The following COQ4 variants were observed in gnomAD, a reference collection of about 807,000 sequenced individuals.
The protein encoded by COQ4 is ubiquinone biosynthesis protein COQ4 homolog, mitochondrial.
COQ4 carries 36 observed loss-of-function variants against 30.2 expected under a neutral mutation model. The observed-to-expected ratio is 1.19, with a 90% CI of 0.91 to 1.57. The LOEUF is 1.57. COQ4 is among the 40% of genes most tolerant of loss of function. The pLI, the probability that COQ4 is intolerant of heterozygous loss-of-function variation, is 0.00. For synonymous variants in COQ4, 197 were observed against 161.0 expected, an observed-to-expected ratio of 1.22 and a Z score of -1.69; for missense variants, 369 against 371.9, an observed-to-expected ratio of 0.99 and a Z score of 0.07.
At chr9:128,331,317 C>G (rs1467794062) in intron 4 of COQ4, 4 of 151,934 alleles carry the variant, frequency 2.6e-5, no homozygotes, top group Non-Finnish European at 4.4e-5. Flanking sequence ...CACTAAACAT[C>G]AAGGTACAGT....
At chr9:128,331,240 T>G (rs1303367261) in intron 4 of COQ4, 1 of 152,262 alleles carries the variant, frequency 6.6e-6, no homozygotes, top group Non-Finnish European at 1.5e-5. Context: ...ACAACTTTCT[T>G]GGCCACATGT....
chr9:128,328,655 A>G (rs1832359820), intron 4 of COQ4, among the ~76,000 whole-genome samples: 1 of 152,160 alleles, frequency 6.6e-6, no homozygotes, highest in Admixed American at 6.5e-5. Context: ...TGTCCCCGAG[A>G]CGATGTTCTG....
chr9:128,331,954 C>T (rs1832419929), intron 4 of COQ4, 199 bp from the exon 5 acceptor site: 2 of 545,466 alleles, frequency 3.7e-6, no homozygotes, highest in South Asian at 2.2e-5. Flanking sequence ...GTGTTGAACT[C>T]CTGATCTCAG....
At chr9:128,330,842 T>C (rs528023773) in intron 4 of COQ4, 110 of 150,584 alleles carry the variant, frequency 7.3e-4, no homozygotes, top group African/African-American at 2.6e-3. Context: ...AATTTTCTTT[T>C]TTTTTTTTTT....
At chr9:128,324,032 G>A (rs1050701821) in intron 2 of COQ4, among the ~76,000 whole-genome samples, 7 of 152,168 alleles carry the variant, frequency 4.6e-5, no homozygotes, top group African/African-American at 1.7e-4. Context: ...GGCCCACGCT[G>A]GAGTGCAGTG....
intron 1 of COQ4, 33 bp downstream of exon 1, chr9:128,322,961 A>G (rs1474367043): frequency 1.2e-6 from 2 of 1,604,510 alleles, no homozygotes; most frequent in Non-Finnish European, 1.7e-6. Flanking sequence ...CGCAGGCGGG[A>G]AGGAGCCTGA....
intron 5 of COQ4, chr9:128,332,622 C>T (rs182170150): frequency 1.0e-5 from 6 of 593,696 alleles, no homozygotes; most frequent in East Asian, 2.8e-5. Flanking sequence ...GGGTCCTCTG[C>T]GCCCTGACCC....
intron 3 of COQ4, 114 bp downstream of exon 3, chr9:128,325,353 A>G (rs1832300081): frequency 4.1e-6 from 3 of 731,642 alleles, no homozygotes; most frequent in African/African-American, 1.8e-5. Context: ...CCCTGGCTAC[A>G]TATGGTTGCA....
chr9:128,324,083 A>G (rs1485014518), intron 2 of COQ4, among the ~76,000 whole-genome samples: 1 of 152,160 alleles, frequency 6.6e-6, no homozygotes, highest in African/African-American at 2.4e-5. Flanking sequence ...TCCCAGGTTC[A>G]AGCGATTCTC....
chr9:128,332,168 A>G lies in COQ4; in HGVS notation c.418A>G (p.Thr140Ala). ...TGGTTGTCAGAGGGTCTCCCCAGAC[A>G]CCCGAGCACCCACCCGCTTCGTGGA... ...FLDVNRVSPD[T>A]RAPTRFVDDE... is the part of the protein sequence containing the mutation. Residue 140 changes from threonine to alanine, a missense_variant, in exon 5 of 7, where the codon ACC (threonine) becomes GCC (alanine). Physicochemically the swap from Thr to Ala is moderately conservative, Grantham distance 58. Transcript: ENST00000300452. The G allele has an allele frequency of 6.4e-7, 1 of 1,574,798 alleles. No individual in the cohort carries two copies. The highest frequency in any genetic ancestry group is 8.6e-7 in the Non-Finnish European group (1 of 1,159,906).
rs1241664506 is a variant in COQ4, at chr9:128,333,795, C to T, written c.*150C>T. The T allele has an allele frequency of 1.4e-6, 1 of 712,220 alleles. No homozygotes were observed. 44.1% of individuals were successfully genotyped at this position (712,220 alleles called of 1,614,324 possible). ...ATTTGTCATAACCACTGCTGAGTGG[C>T]CTTGAGGACGAACCCCGCAGGGAGC... is the stretch of plus-strand genomic sequence containing the variant. On this transcript the variant is annotated 3_prime_UTR_variant, in exon 7 of 7. Transcript: ENST00000300452.
intron 5 of COQ4, chr9:128,332,491 C>A: frequency 1.6e-6 from 1 of 612,834 alleles, no homozygotes; most frequent in Admixed American, 2.9e-5. Flanking sequence ...CAGCAGAGCC[C>A]ATCTTCAAGG....
At chr9:128,323,300 A>G (rs1832248556) in intron 2 of COQ4, 153 bp downstream of exon 2, 2 of 751,038 alleles carry the variant, frequency 2.7e-6, no homozygotes, top group East Asian at 2.9e-5. Flanking sequence ...GATCCCACCT[A>G]AACGCACTGA....
At chr9:128,328,310 C>T (rs955811118) in intron 4 of COQ4, among the ~76,000 whole-genome samples, 1 of 152,258 alleles carries the variant, frequency 6.6e-6, no homozygotes, top group African/African-American at 2.4e-5. Flanking sequence ...CCCATCTTCC[C>T]TGTCCCTGTC....
chr9:128,333,606 C>T lies in COQ4; in HGVS notation c.759C>T (p.Gly253=). 1 of 1,600,730 alleles carries T rather than the reference C, an allele frequency of 6.2e-7. No homozygotes were observed. Among genetic ancestry groups the T allele is most frequent in the Non-Finnish European group, 8.5e-7 (1 of 1,175,030 alleles). The change falls in exon 7 of 7, where the codon GGC becomes GGT. Residue 253 remains glycine (G), a synonymous_variant. Transcript: ENST00000300452. ...TGAGGGCTCTGCGGGAGGAGCTGGG[C>T]ATTACAGCACCACCCATGCACGTCC... ...QSLRALREEL[G]ITAPPMHVQG...
rs2270203 is a variant in COQ4, at chr9:128,325,797, G to C, written c.318G>C (p.Ser106=). 1.1e-5 allele frequency: 18 copies of C among 1,613,950 alleles called. No homozygotes were observed. The highest frequency in any genetic ancestry group is 1.4e-5 in the Non-Finnish European group (17 of 1,179,958). ...CTTTCAGGGAGCGTCCCCGGATTTC[G>C]ACATCCACCCTCGACCTGGGCAAGC... ...AQILQERPRI[S]TSTLDLGKLQ... Residue 106 remains serine (S), a synonymous_variant, in exon 4 of 7, where the codon TCG becomes TCC. Transcript: ENST00000300452.
intron 4 of COQ4, among the ~76,000 whole-genome samples, chr9:128,327,390 C>G (rs1832339712): frequency 6.6e-6 from 1 of 152,212 alleles, no homozygotes; most frequent in Admixed American, 6.5e-5. Context: ...TTGCAGTGAG[C>G]TGAGATCACA....
chr9:128,333,478 C>G lies in COQ4; in HGVS notation c.631C>G (p.Leu211Val). Residue 211 changes from leucine (L) to valine (V), a missense_variant, in exon 7 of 7, where the codon CTG (leucine) becomes GTG (valine). Leu to Val is a conservative substitution (Grantham distance 32). Transcript: ENST00000300452. Reference protein sequence around the residue: ...FGPIRLGAQSLQVLVSELIPW... With the variant: ...FGPIRLGAQSVQVLVSELIPW... ...TTTTCCTCTGCTGCCCCACAGGAGC[C>G]TGCAAGTGCTGGTCTCGGAGTTGAT... 1 of 1,528,936 alleles carries G rather than the reference C, an allele frequency of 6.5e-7. No individual in the cohort carries two copies. Among genetic ancestry groups the G allele is most frequent in the Non-Finnish European group, 8.8e-7 (1 of 1,139,208 alleles). 94.7% of individuals were successfully genotyped at this position (1,528,936 alleles called of 1,614,324 possible).
At chr9:128,324,184 G>A (rs1315887334) in intron 2 of COQ4, among the ~76,000 whole-genome samples, 2 of 152,046 alleles carry the variant, frequency 1.3e-5, no homozygotes, top group African/African-American at 4.8e-5. Context: ...TTGCTATGTT[G>A]CCCAGGCTGG....
Sources: allele counts gnomAD v4.1 joint callset (sites outside exome capture counted in the v4.1 genomes callset), GRCh38; gene constraint gnomAD v4.1.1; transcripts MANE v1.5; gene names NCBI Gene and HGNC (gene_info 2026-07-23, HGNC 2026-07-21).